P2RY12: variants seen among roughly 807,000 people sequenced by gnomAD.
P2RY12 encodes P2Y purinoceptor 12.
A neutral mutation model predicts 4.5 loss-of-function variants in P2RY12; 3 were observed. That is an observed-to-expected ratio of 0.67 (90% CI 0.31 to 1.74). The LOEUF (loss-of-function observed/expected upper bound fraction) is 1.74. P2RY12 is among the 40% of genes most tolerant of loss of function. The probability of loss-of-function intolerance (pLI) is 0.09; values close to 1 mark genes in which losing one functional copy is unlikely to be tolerated. For missense variants in P2RY12, 356 were observed against 407.8 expected (o/e 0.87, Z 1.09); for synonymous variants, 148 against 154.1 (o/e 0.96, Z 0.29).
chr3:151,341,581 TTTA>T (rs201307060), intron 1 of P2RY12, among the ~76,000 whole-genome samples: 2,796 of 151,722 alleles, frequency 0.018, 113 homozygotes, highest in African/African-American at 0.064. Flanking sequence ...TTTTTTTAAT[TTTA>T]TTATTATTAT....
chr3:151,339,553 C>T (rs1429359675), intron 2 of P2RY12, among the ~76,000 whole-genome samples: 1 of 151,690 alleles, frequency 6.6e-6, no homozygotes, highest in East Asian at 1.9e-4. Context: ...TATTTTAACC[C>T]ATGTGTATCT....
At chr3:151,361,500 G>A (rs1754611337) in intron 1 of P2RY12, among the ~76,000 whole-genome samples, 1 of 152,008 alleles carries the variant, frequency 6.6e-6, no homozygotes, top group South Asian at 2.1e-4. Context: ...TGCTATCTTA[G>A]ACTTAAAATT....
At chr3:151,372,526 TTGAACTTCTG>T (rs751457623) in intron 1 of P2RY12, 1 of 1,484,750 alleles carries the variant, frequency 6.7e-7, no homozygotes, top group Non-Finnish European at 9.4e-7. Flanking sequence ...TGGCAATATT[TTGAACTTCTG>T]TGATTTTGCT....
chr3:151,372,928 TAAA>T (rs917127241), intron 1 of P2RY12, among the ~76,000 whole-genome samples: 1 of 152,224 alleles, frequency 6.6e-6, no homozygotes, highest in African/African-American at 2.4e-5. Flanking sequence ...GAATTATTTT[TAAA>T]AAACTCATGT....
chr3:151,359,875 C>T (rs1754393855), intron 1 of P2RY12, among the ~76,000 whole-genome samples: 1 of 152,028 alleles, frequency 6.6e-6, no homozygotes, highest in African/African-American at 2.4e-5. Flanking sequence ...ACAAAGAGGC[C>T]TATAACTACA....
intron 1 of P2RY12, among the ~76,000 whole-genome samples, chr3:151,346,110 C>T (rs2149993392): frequency 6.6e-6 from 1 of 152,240 alleles, no homozygotes; most frequent in South Asian, 2.1e-4. Context: ...CATATCAAGG[C>T]CAAGGAATGA....
chr3:151,367,798 TTTGA>T lies in P2RY12; in HGVS notation c.-180+16890_-180+16893del, dbSNP rs764885791. On this transcript the variant is annotated intron_variant, in intron 1 of 2. Coordinates refer to ENST00000302632, the MANE Select transcript of P2RY12 (RefSeq NM_022788.5). ...CAGCATCCATGAACATCCGTTGCTC[TTTGA>T]TTGTTGTCTTGATGGAGTGGTTTCT... 22 of 1,578,886 alleles carry T rather than the reference TTTGA, an allele frequency of 1.4e-5. No homozygotes were observed. In the East Asian group the frequency reaches 4.5e-4, roughly 32 times the overall value.
chr3:151,342,919 C>T (rs1040834358), intron 1 of P2RY12, among the ~76,000 whole-genome samples: 2 of 152,084 alleles, frequency 1.3e-5, no homozygotes, highest in South Asian at 2.1e-4. Flanking sequence ...CTCTGAAGTA[C>T]GCGTATCATC....
intron 1 of P2RY12, among the ~76,000 whole-genome samples, chr3:151,345,517 C>CTTTTTTTTTTTT (rs201731496): frequency 7.6e-6 from 1 of 131,650 alleles, no homozygotes; most frequent in Non-Finnish European, 1.6e-5. Flanking sequence ...TTTTCTTTTT[C>CTTTTTTTTTTTT]TTTTTTTTTT....
intron 1 of P2RY12, among the ~76,000 whole-genome samples, chr3:151,383,488 C>A (rs1258772326): frequency 3.3e-5 from 5 of 152,314 alleles, no homozygotes; most frequent in Non-Finnish European, 2.9e-5. Context: ...CATCATAAAA[C>A]TGGACATCAT....
At chr3:151,382,516 G>C (rs1712566495) in intron 1 of P2RY12, 2 of 523,258 alleles carry the variant, frequency 3.8e-6, no homozygotes, top group Non-Finnish European at 6.7e-6. Flanking sequence ...GGAGGAAGAA[G>C]AAAGCTAAAA....
At chr3:151,380,086 C>A (rs759662485) in intron 1 of P2RY12, 3 of 1,357,588 alleles carry the variant, frequency 2.2e-6, no homozygotes, top group South Asian at 2.5e-5. Flanking sequence ...CTAACTAGAT[C>A]TGTTGTTATT....
intron 1 of P2RY12, among the ~76,000 whole-genome samples, chr3:151,375,399 G>A (rs1192927382): frequency 6.6e-6 from 1 of 152,022 alleles, no homozygotes; most frequent in Non-Finnish European, 1.5e-5. Flanking sequence ...GTAAAGAAAA[G>A]GCAATAGGAG....
In P2RY12 at chr3:151,337,941, C is replaced by T; in HGVS notation, c.905G>A (p.Cys302Tyr). The T allele has an allele frequency of 6.2e-7, 1 of 1,613,958 alleles. No individual in the cohort carries two copies. Among genetic ancestry groups the T allele is most frequent in the Non-Finnish European group, 8.5e-7 (1 of 1,179,970 alleles). Reference sequence around the variant, plus strand: ...TATCAAGGAATTTCTGAAGGACTTGCAAAGGAAAAAATAGATGAACGGATC... The same window carrying T: ...TATCAAGGAATTTCTGAAGGACTTGTAAAGGAAAAAATAGATGAACGGATC... ...CLDPFIYFFL[C>Y]KSFRNSLISM... Residue 302 changes from cysteine (C) to tyrosine (Y), a missense_variant, in exon 3 of 3, where the codon TGC becomes TAC. Coordinates refer to ENST00000302632, the MANE Select transcript of P2RY12 (RefSeq NM_022788.5).
In P2RY12 at chr3:151,337,852, C is replaced by T. The variant is rs1401985961; in HGVS notation, c.994G>A (p.Asp332Asn). ...GTCTCTTCATTTGGGTCACCACCAT[C>T]CTGTTCTTTTTTCCTATTGTCCTGG... ...LSQDNRKKEQ[D>N]GGDPNEETPM is the part of the protein sequence containing the mutation. Residue 332 changes from aspartate to asparagine, a missense_variant, in exon 3 of 3, where the codon GAT becomes AAT. Asp to Asn is a conservative substitution (Grantham distance 23, BLOSUM62 1). Transcript: ENST00000302632. 6.2e-7 allele frequency: 1 copy of T among 1,614,076 alleles called. No individual in the cohort carries two copies. Among genetic ancestry groups the T allele is most frequent in the East Asian group, 2.2e-5 (1 of 44,880 alleles).
chr3:151,365,815 A>G (rs1419784149), intron 1 of P2RY12: 23 of 1,559,706 alleles, frequency 1.5e-5, no homozygotes, highest in South Asian at 7.2e-5. Context: ...TCTTTTGTAC[A>G]AGGTTACTTT....
chr3:151,375,874 A>T, intron 1 of P2RY12: 2 of 457,424 alleles, frequency 4.4e-6, no homozygotes, highest in Non-Finnish European at 7.0e-6. Flanking sequence ...TTTGTTTTTT[A>T]AAATTTTTCT....
At chr3:151,380,589 C>T (rs1712096234) in intron 1 of P2RY12, among the ~76,000 whole-genome samples, 2 of 119,618 alleles carry the variant, frequency 1.7e-5, no homozygotes, top group South Asian at 6.0e-4. Context: ...AATAGTGAAA[C>T]TCTGTCTCAA....
intron 1 of P2RY12, among the ~76,000 whole-genome samples, chr3:151,376,380 T>C (rs1249552064): frequency 2.6e-5 from 4 of 152,206 alleles, no homozygotes; most frequent in Admixed American, 1.3e-4. Context: ...TGGGTGGATG[T>C]ACATGCTGCA....
Sources: allele counts gnomAD v4.1 joint callset (sites outside exome capture counted in the v4.1 genomes callset), GRCh38; gene constraint gnomAD v4.1.1; transcripts MANE v1.5; gene names NCBI Gene and HGNC (gene_info 2026-07-23, HGNC 2026-07-21).